The following ITGA1 variants were observed in gnomAD, a reference collection of about 807,000 sequenced individuals.
ITGA1 encodes the protein integrin alpha-1.
In ITGA1, 85 loss-of-function variants were observed where a neutral mutation model predicts 145.9. The ratio of observed to expected loss-of-function variants is 0.58; its 90% CI spans 0.49 to 0.70. The LOEUF (loss-of-function observed/expected upper bound fraction) is 0.70, where lower values mean the gene tolerates loss of function less well. Among genes scored for constraint, ITGA1 ranks in the 30% least tolerant of loss-of-function variants. The pLI, the probability that ITGA1 is intolerant of heterozygous loss-of-function variation, is 0.00. For missense variants in ITGA1, 1,351 were observed against 1,418.7 expected, an observed-to-expected ratio of 0.95 and a Z score of 0.77; for synonymous variants, 520 against 495.3, an observed-to-expected ratio of 1.05 and a Z score of -0.66.
chr5:52,919,059 A>G (rs1337979043), intron 16 of ITGA1, among the ~76,000 whole-genome samples, 161 bp downstream of exon 16: 1 of 152,166 alleles, frequency 6.6e-6, no homozygotes, highest in Non-Finnish European at 1.5e-5. Context: ...TTCTGTTGCA[A>G]AAGGAATAGG....
At chr5:52,906,046 T>C in intron 12 of ITGA1, 138 bp downstream of exon 12, 1 of 671,632 alleles carries the variant, frequency 1.5e-6, no homozygotes, top group Non-Finnish European at 2.5e-6. Context: ...TGTTAGGTTC[T>C]TTGGAAGGAT....
intron 11 of ITGA1, among the ~76,000 whole-genome samples, chr5:52,899,766 T>C (rs1387472492): frequency 6.6e-6 from 1 of 152,138 alleles, no homozygotes; most frequent in East Asian, 1.9e-4. Context: ...AATATAGGGG[T>C]TAGGCTTAAA....
intron 5 of ITGA1, among the ~76,000 whole-genome samples, chr5:52,865,284 C>A (rs1385825083): frequency 6.6e-6 from 1 of 152,152 alleles, no homozygotes; most frequent in South Asian, 2.1e-4. Context: ...AATAACTTTA[C>A]AAAGTCATTT....
At chr5:52,952,244 G>T (rs1238309475) in intron 28 of ITGA1, among the ~76,000 whole-genome samples, 163 bp from the exon 29 acceptor site, 2 of 150,930 alleles carry the variant, frequency 1.3e-5, no homozygotes, top group Non-Finnish European at 1.5e-5. Flanking sequence ...GTCATTTTTT[G>T]ACATTGAATA....
chr5:52,807,394 T>A (rs754237926), intron 1 of ITGA1, among the ~76,000 whole-genome samples: 30 of 146,498 alleles, frequency 2.0e-4, no homozygotes, highest in South Asian at 6.5e-4. Flanking sequence ...AAGGGTTTTG[T>A]CATTACTATT....
chr5:52,925,536 G>A (rs901864313), intron 19 of ITGA1, 49 bp downstream of exon 19: 7 of 1,380,264 alleles, frequency 5.1e-6, no homozygotes, highest in Non-Finnish European at 7.2e-6. Context: ...TCATTTACCT[G>A]GCCTACTTTT....
At chr5:52,807,299 T>A (rs1748602724) in intron 1 of ITGA1, among the ~76,000 whole-genome samples, 1 of 150,442 alleles carries the variant, frequency 6.6e-6, no homozygotes, top group Admixed American at 6.6e-5. Flanking sequence ...CAACCTGTTA[T>A]AACAAAAGTA....
At position 52,956,036 on chromosome 5, in the gene ITGA1, T is replaced by C. The variant is rs751541457; in HGVS notation, c.*3585T>C. The C allele has an allele frequency of 1.3e-5, 2 of 152,032 alleles. No homozygotes were observed. Among genetic ancestry groups the C allele is most frequent in the Non-Finnish European group, 2.9e-5 (2 of 68,008 alleles). The allele number at this position is 152,032 out of a possible 1,614,324, so 9.4% of individuals were successfully genotyped here. ...TTATAAAATCAAAGTCTAGGCTCAA[T>C]TGGAAAATGGAAATATTTGCACCAA... is the stretch of plus-strand genomic sequence containing the variant. On this transcript the variant is annotated 3_prime_UTR_variant, in exon 29 of 29. Transcript: ENST00000282588.
At chr5:52,868,627 C>T (rs1749727343) in intron 6 of ITGA1, among the ~76,000 whole-genome samples, 1 of 152,122 alleles carries the variant, frequency 6.6e-6, no homozygotes, top group Non-Finnish European at 1.5e-5. Context: ...CAGGAGGGCC[C>T]TTGGGGTCCA....
rs1467834814 is a variant in ITGA1 at position 52,939,561 on chromosome 5, T to C, written c.3079-29T>C. 2.8e-6 allele frequency: 4 copies of C among 1,435,494 alleles called. 1 individual carries two copies. The Admixed American group carries it at 5.2e-5, about 19-fold the overall frequency. The allele number at this position is 1,435,494 out of a possible 1,614,324, so 88.9% of individuals were successfully genotyped here. On this transcript the variant is annotated intron_variant, in intron 24 of 28. Transcript: ENST00000282588. ...GTTTTTCCTCTGATATCTGGCATTG[T>C]CTGATAAATGTAATATTTTCATTTC...
chr5:52,901,607 G>T (rs1163294489), intron 11 of ITGA1, among the ~76,000 whole-genome samples: 1 of 152,072 alleles, frequency 6.6e-6, no homozygotes, highest in Non-Finnish European at 1.5e-5. Flanking sequence ...GTAGTTTTTG[G>T]TATTCTTAAT....
chr5:52,914,690 A>C (rs1042610705), intron 14 of ITGA1, among the ~76,000 whole-genome samples: 1 of 152,016 alleles, frequency 6.6e-6, no homozygotes, highest in Admixed American at 6.5e-5. Context: ...TAGGCTTCTT[A>C]TTTTATGTTA....
At position 52,788,345 on chromosome 5, in the gene ITGA1, G is replaced by T. The variant is rs779677015; in HGVS notation, c.-9G>T. The T allele has an allele frequency of 1.3e-6, 2 of 1,503,940 alleles. No individual in the cohort carries two copies. The highest frequency in any genetic ancestry group is 4.2e-5 in the Admixed American group (2 of 47,124). 93.2% of individuals were successfully genotyped at this position (1,503,940 alleles called of 1,614,324 possible). A position where few individuals can be genotyped will look rare whatever the true frequency, so the allele number is the denominator to read the frequency against. ...AGCGCGGCCCCCTGGCGCTGAGGCT[G>T]CTCCGGCCATGGCCCCTCGGCCCCG... On this transcript the variant is annotated 5_prime_UTR_variant, in exon 1 of 29. Coordinates refer to ENST00000282588, the MANE Select transcript of ITGA1 (RefSeq NM_181501.2).
At chr5:52,858,921 A>T (rs1406421670) in intron 2 of ITGA1, among the ~76,000 whole-genome samples, 8 of 152,170 alleles carry the variant, frequency 5.3e-5, no homozygotes. Flanking sequence ...TAGATAAAAA[A>T]ACTAAATCAC....
chr5:52,808,775 A>T (rs1748639061), intron 1 of ITGA1, among the ~76,000 whole-genome samples: 1 of 145,680 alleles, frequency 6.9e-6, no homozygotes. Context: ...TAAGAGGTTA[A>T]AGCTGTAAGG....
chr5:52,945,404 A>G (rs959300725), intron 27 of ITGA1, among the ~76,000 whole-genome samples: 1 of 152,194 alleles, frequency 6.6e-6, no homozygotes, highest in Admixed American at 6.5e-5. Context: ...GCCGCAAAAA[A>G]CAACTTCTTT....
Position 52,939,822 on chromosome 5 carries a change from C to A in ITGA1, c.3181-18C>A. ...AAACGGCAAGAATACTGATATGTAT[C>A]TCTGGACATTTAAACAGGACTGCAA... On this transcript the variant is annotated intron_variant, in intron 25 of 28. Coordinates refer to ENST00000282588, the MANE Select transcript of ITGA1 (RefSeq NM_181501.2). 2 of 1,522,844 alleles carry A rather than the reference C, an allele frequency of 1.3e-6. No individual in the cohort carries two copies. The highest frequency in any genetic ancestry group is 1.8e-6 in the Non-Finnish European group (2 of 1,096,984). The allele number at this position is 1,522,844 out of a possible 1,614,324, so 94.3% of individuals were successfully genotyped here. A position where few individuals can be genotyped will look rare whatever the true frequency, so the allele number is the denominator to read the frequency against.
At chr5:52,789,718 C>T (rs142296558) in intron 1 of ITGA1, among the ~76,000 whole-genome samples, 1 of 152,296 alleles carries the variant, frequency 6.6e-6, no homozygotes, top group African/African-American at 2.4e-5. Flanking sequence ...TCTTCTCCAA[C>T]TCAAATTTTT....
intron 1 of ITGA1, among the ~76,000 whole-genome samples, chr5:52,812,123 T>C (rs967658712): frequency 2.6e-5 from 4 of 152,212 alleles, no homozygotes; most frequent in African/African-American, 9.6e-5. Flanking sequence ...GAGATGAACA[T>C]AGACATTCTG....
Sources: gnomAD v4.1 joint callset for allele counts (sites outside exome capture counted in the v4.1 genomes callset) on GRCh38, gnomAD v4.1.1 for gene constraint, MANE v1.5 for transcripts, NCBI Gene and HGNC (gene_info 2026-07-23, HGNC 2026-07-21) for gene names.